The following MYOF variants were observed in gnomAD, a reference collection of about 807,000 sequenced individuals.
MYOF encodes the protein fer-1-like 3, myoferlin.
Under a neutral mutation model 284.2 loss-of-function variants are expected in MYOF, and 244 were observed. That is an observed-to-expected ratio of 0.86 (90% CI 0.77 to 0.95). MYOF has a LOEUF of 0.95. Ranked by LOEUF, MYOF falls within the 40% of genes least tolerant of loss-of-function variation. MYOF has a pLI of 0.00. For synonymous variants in MYOF, 904 were observed against 919.7 expected, an observed-to-expected ratio of 0.98 and a Z score of 0.31; for missense variants, 2,496 against 2,560.6, an observed-to-expected ratio of 0.97 and a Z score of 0.54.
At chr10:93,346,317 A>G (rs1333030614) in intron 37 of MYOF, among the ~76,000 whole-genome samples, 1 of 152,234 alleles carries the variant, frequency 6.6e-6, no homozygotes, top group Non-Finnish European at 1.5e-5. Flanking sequence ...CACACTTATG[A>G]AAGTTTTAAT....
At chr10:93,397,169 A>T in intron 15 of MYOF, 78 bp downstream of exon 15, 1 of 1,266,954 alleles carries the variant, frequency 7.9e-7, no homozygotes, top group South Asian at 1.4e-5. Flanking sequence ...TACCAGAAAG[A>T]GACAATCCAG....
At position 93,337,913 on chromosome 10, in the gene MYOF, C is replaced by A. The variant is rs1378530671; in HGVS notation, c.4339G>T (p.Glu1447Ter). 1 of 1,611,596 alleles carries A rather than the reference C, an allele frequency of 6.2e-7. No individual in the cohort carries two copies. The highest frequency in any genetic ancestry group is 8.5e-7 in the Non-Finnish European group (1 of 1,178,368). The change falls in exon 40 of 54, where the codon GAG (glutamate) becomes TAG (stop). Residue 1447 changes from glutamate to a stop codon, truncating the protein, a stop_gained and splice_region_variant. Coordinates refer to ENST00000359263, the MANE Select transcript of MYOF (RefSeq NM_013451.4). LOFTEE classifies it high-confidence loss of function. ...PLLASKLTEK[E>*]EEIVDWWSKF... ...CTCCACCAGTCCACGATTTCTTCCTCCTAAAGACATGCCAAAATGGAAAAA... is the reference window on the plus strand; with the variant it reads ...CTCCACCAGTCCACGATTTCTTCCTACTAAAGACATGCCAAAATGGAAAAA...
rs1164143816 is a variant in MYOF at position 93,351,516 on chromosome 10, G to C, written c.3719C>G (p.Ser1240Ter). The change falls in exon 34 of 54, where the codon TCA (serine) becomes TGA (stop). Residue 1240 changes from serine to a stop codon, truncating the protein, a stop_gained. Coordinates refer to ENST00000359263, the MANE Select transcript of MYOF (RefSeq NM_013451.4). LOFTEE classifies it high-confidence loss of function. ...SIFSPVVKLN[S>*]EMDITPKLLW... The stretch of plus-strand genomic sequence containing the variant: ...AAGTTTGGGTGTGATGTCCATTTCT[G>C]AGTTCAGTTTCACCACAGGAGAGAA... The C allele has an allele frequency of 1.2e-6, 2 of 1,614,092 alleles. No individual in the cohort carries two copies. The highest frequency in any genetic ancestry group is 1.3e-5 in the African/African-American group (1 of 74,926).
rs775949154 is a variant in MYOF at position 93,402,283 on chromosome 10, T to C, written c.939A>G (p.Lys313=). ...CAAACATGCTGACTTTCATATAACC[T>C]TTAGAACCTGAACTGGTATCTTCCG... ...NDPEDTSSGS[K]GYMKVSMFVL... is the part of the protein sequence containing the mutation. Residue 313 remains lysine, a synonymous_variant, in exon 11 of 54, where the codon AAA becomes AAG. Transcript: ENST00000359263. 1 of 1,614,134 alleles carries C rather than the reference T, an allele frequency of 6.2e-7. No homozygotes were observed. The highest frequency in any genetic ancestry group is 8.5e-7 in the Non-Finnish European group (1 of 1,180,006).
chr10:93,404,359 A>G, intron 7 of MYOF, 140 bp from the exon 8 acceptor site: 1 of 805,928 alleles, frequency 1.2e-6, no homozygotes, highest in Non-Finnish European at 2.0e-6. Flanking sequence ...AACACATGGC[A>G]AGGCCTGGAG....
chr10:93,353,907 G>A lies in MYOF; in HGVS notation c.3404-19C>T. On this transcript the variant is annotated intron_variant, in intron 31 of 53. Transcript: ENST00000359263. ...TAGACTCCTAAAAAAACAGGATAAAGATTACTTACAAGAAGCGTAACACTG... is the reference window on the plus strand; with the variant it reads ...TAGACTCCTAAAAAAACAGGATAAAAATTACTTACAAGAAGCGTAACACTG... The A allele has an allele frequency of 6.3e-7, 1 of 1,584,574 alleles. No homozygotes were observed. The highest frequency in any genetic ancestry group is 1.1e-5 in the South Asian group (1 of 87,594).
intron 3 of MYOF, among the ~76,000 whole-genome samples, chr10:93,431,980 TC>T (rs1429536825): frequency 6.6e-6 from 1 of 151,986 alleles, no homozygotes; most frequent in Non-Finnish European, 1.5e-5. Flanking sequence ...AACTCTGACC[TC>T]AGGTGATCTG....
At chr10:93,309,953 G>A in intron 53 of MYOF, 67 bp downstream of exon 53, 4 of 1,595,532 alleles carry the variant, frequency 2.5e-6, no homozygotes, top group Non-Finnish European at 3.4e-6. Context: ...CAGGGCAGAT[G>A]CCAAGGGAGA....
chr10:93,401,334 G>A (rs996441830), intron 12 of MYOF, 84 bp downstream of exon 12: 28 of 1,543,322 alleles, frequency 1.8e-5, no homozygotes, highest in Non-Finnish European at 2.3e-5. Context: ...ATAGGGACAC[G>A]AATCACTATT....
intron 25 of MYOF, among the ~76,000 whole-genome samples, chr10:93,366,807 A>G (rs1845345896): frequency 6.6e-6 from 1 of 152,222 alleles, no homozygotes; most frequent in Non-Finnish European, 1.5e-5. Context: ...CTATAGAGTC[A>G]TTCTGGAGTT....
At position 93,306,701 on chromosome 10, in the gene MYOF, CA is replaced by C. The variant is rs1842112087; in HGVS notation, c.*261del. The C allele has an allele frequency of 1.1e-5, 5 of 434,986 alleles. No individual in the cohort carries two copies. The highest frequency in any genetic ancestry group is 2.0e-5 in the Non-Finnish European group (5 of 248,804). The allele number at this position is 434,986 out of a possible 1,614,324, so 26.9% of individuals were successfully genotyped here. A position where few individuals can be genotyped will look rare whatever the true frequency, so the allele number is the denominator to read the frequency against. ...AAGATGATTTTTAAATGGAACCAGC[CA>C]CCTTGAAAAATATTTTGAAAAACAT... On this transcript the variant is annotated 3_prime_UTR_variant, in exon 54 of 54. Coordinates refer to ENST00000359263, the MANE Select transcript of MYOF (RefSeq NM_013451.4).
At chr10:93,369,799 T>G (rs2133959393) in intron 24 of MYOF, 23 bp from the exon 25 acceptor site, 3 of 1,613,902 alleles carry the variant, frequency 1.9e-6, no homozygotes, top group African/African-American at 1.3e-5. Context: ...CAATAGCATG[T>G]GATGTTACAT....
intron 4 of MYOF, 138 bp from the exon 5 acceptor site, chr10:93,426,296 G>A (rs980741535): frequency 8.6e-5 from 68 of 792,508 alleles, no homozygotes; most frequent in Non-Finnish European, 1.2e-4. Flanking sequence ...GGCTGGAAAC[G>A]GGGAGAGGGA....
chr10:93,415,440 T>C (rs988299365), intron 5 of MYOF, among the ~76,000 whole-genome samples: 35 of 152,236 alleles, frequency 2.3e-4, no homozygotes, highest in Admixed American at 2.2e-3. Flanking sequence ...AAAACTTTCC[T>C]GAATCCTGGT....
chr10:93,345,281 CCT>C (rs1475181346), intron 37 of MYOF, among the ~76,000 whole-genome samples: 1 of 152,150 alleles, frequency 6.6e-6, no homozygotes, highest in Non-Finnish European at 1.5e-5. Flanking sequence ...TGCCATTATC[CCT>C]GTTTTAAAAA....
At chr10:93,384,769 T>G (rs1208681173) in intron 19 of MYOF, among the ~76,000 whole-genome samples, 1 of 152,032 alleles carries the variant, frequency 6.6e-6, no homozygotes, top group Non-Finnish European at 1.5e-5. Context: ...TGGTATAAAG[T>G]AGAGTTTCAG....
chr10:93,333,181 A>T, intron 43 of MYOF, 40 bp downstream of exon 43: 1 of 1,524,720 alleles, frequency 6.6e-7, no homozygotes, highest in Non-Finnish European at 9.1e-7. Context: ...TGTTCCGTGG[A>T]GAAATGAAGG....
chr10:93,432,816 T>A (rs17481297), intron 3 of MYOF, among the ~76,000 whole-genome samples: 1 of 152,162 alleles, frequency 6.6e-6, no homozygotes, highest in Non-Finnish European at 1.5e-5. Context: ...TTTTACTCAC[T>A]ACTCTAACAC....
At position 93,464,349 on chromosome 10, in the gene MYOF, T is replaced by C. The variant is rs115818787; in HGVS notation, c.89-7412A>G. Among the ~76,000 whole-genome samples, 461 of 152,320 alleles carry C rather than the reference T, an allele frequency of 3.0e-3. 3 individuals are homozygous for C. Among genetic ancestry groups the C allele is most frequent in the African/African-American group, 0.011 (447 of 41,574 alleles). ...GTTCCTTAAAATCTCTCTTTCTGTC[T>C]CTGCACAAACACATGCACACACATC... is the stretch of plus-strand genomic sequence containing the variant. On this transcript the variant is annotated intron_variant, in intron 1 of 53. Coordinates refer to ENST00000359263, the MANE Select transcript of MYOF (RefSeq NM_013451.4).
Sources: allele counts gnomAD v4.1 joint callset (sites outside exome capture counted in the v4.1 genomes callset), GRCh38; gene constraint gnomAD v4.1.1; transcripts MANE v1.5; gene names NCBI Gene and HGNC (gene_info 2026-07-23, HGNC 2026-07-21).